DZIP1: variants seen among roughly 807,000 people sequenced by gnomAD.
The protein encoded by DZIP1 is cilium assembly protein DZIP1.
Under a neutral mutation model 107.6 loss-of-function variants are expected in DZIP1, and 97 were observed. The ratio of observed to expected loss-of-function variants is 0.90; its 90% confidence interval spans 0.77 to 1.07. The LOEUF (loss-of-function observed/expected upper bound fraction) is 1.07. Among genes scored for constraint, DZIP1 ranks in the 50% least tolerant of loss-of-function variants. The pLI, the probability that DZIP1 is intolerant of heterozygous loss-of-function variation, is 0.00. For synonymous variants in DZIP1, 390 were observed against 386.4 expected (o/e 1.01, Z -0.11); for missense variants, 1,035 against 1,063.6 (o/e 0.97, Z 0.37).
At position 95,581,225 on chromosome 13, in the gene DZIP1, G is replaced by A. The variant is rs1452633130; in HGVS notation, c.*1009C>T. 6.6e-6 allele frequency: 1 copy of A among 152,450 alleles called. No homozygotes were observed. The highest frequency in any genetic ancestry group is 1.5e-5 in the Non-Finnish European group (1 of 68,000). The allele number at this position is 152,450 out of a possible 1,614,324, so 9.4% of individuals were successfully genotyped here. On this transcript the variant is annotated 3_prime_UTR_variant, in exon 23 of 23. Coordinates refer to ENST00000376829, the MANE Select transcript of DZIP1 (RefSeq NM_198968.4). ...TGGAAACAGAATATAGTATAACCAA[G>A]TTATAAAAATGCAAAAAACAGCTTA...
chr13:95,621,862 C>A (rs571086085), intron 9 of DZIP1, among the ~76,000 whole-genome samples: 2 of 152,056 alleles, frequency 1.3e-5, no homozygotes, highest in African/African-American at 4.8e-5. Context: ...GGATTACAGG[C>A]ATCTGCTACC....
chr13:95,633,808 T>G (rs897518186), intron 5 of DZIP1, among the ~76,000 whole-genome samples: 35 of 151,488 alleles, frequency 2.3e-4, no homozygotes, highest in African/African-American at 8.0e-4. Flanking sequence ...GAAACCAGGC[T>G]GGGTGCAGTG....
In DZIP1 at chr13:95,605,891, A is replaced by G. The variant is rs80037259; in HGVS notation, c.1477+112T>C. ...TAATAACTGTTTTGCAATCACTAAAATGTTTCCTGTTTTATTATTAATTAC... is the reference window on the plus strand; with the variant it reads ...TAATAACTGTTTTGCAATCACTAAAGTGTTTCCTGTTTTATTATTAATTAC... On this transcript the variant is annotated intron_variant, in intron 14 of 22. Coordinates refer to ENST00000376829, the MANE Select transcript of DZIP1 (RefSeq NM_198968.4). 88 of 1,122,114 alleles carry G rather than the reference A, an allele frequency of 7.8e-5. No individual in the cohort carries two copies. The East Asian group carries it at 8.2e-4, about 10-fold the overall frequency. 69.5% of individuals were successfully genotyped at this position (1,122,114 alleles called of 1,614,324 possible). A position where few individuals can be genotyped will look rare whatever the true frequency, so the allele number is the denominator to read the frequency against.
At chr13:95,588,401 A>T (rs948862129) in intron 19 of DZIP1, among the ~76,000 whole-genome samples, 2 of 152,206 alleles carry the variant, frequency 1.3e-5, no homozygotes, top group African/African-American at 4.8e-5. Flanking sequence ...AAAGATATTT[A>T]TGTCATCAAT....
At chr13:95,605,887 TA>T (rs2044757200) in intron 14 of DZIP1, 115 bp downstream of exon 14, 2 of 1,090,058 alleles carry the variant, frequency 1.8e-6, no homozygotes, top group South Asian at 2.9e-5. Context: ...TTGCAATCAC[TA>T]AAATGTTTCC....
chr13:95,635,742 C>G (rs957929205), intron 5 of DZIP1, among the ~76,000 whole-genome samples: 1 of 152,124 alleles, frequency 6.6e-6, no homozygotes, highest in African/African-American at 2.4e-5. Flanking sequence ...GGTGTTCTAA[C>G]GATACTGTTC....
chr13:95,622,300 A>G (rs1594715105), intron 9 of DZIP1, 43 bp downstream of exon 9: 2 of 1,612,782 alleles, frequency 1.2e-6, no homozygotes, highest in Non-Finnish European at 8.5e-7. Flanking sequence ...TTCACTAAGA[A>G]AAAGGAAGGC....
intron 16 of DZIP1, 79 bp downstream of exon 16, chr13:95,593,865 T>C (rs1228581767): frequency 6.6e-7 from 1 of 1,504,874 alleles, no homozygotes; most frequent in Non-Finnish European, 8.9e-7. Flanking sequence ...ATGTGCTTTC[T>C]TCTCTTCCAT....
At position 95,619,868 on chromosome 13, in the gene DZIP1, T is replaced by C. The variant is rs369655689; in HGVS notation, c.1173+17A>G. 6.2e-7 allele frequency: 1 copy of C among 1,613,128 alleles called. No homozygotes were observed. Among genetic ancestry groups the C allele is most frequent in the Non-Finnish European group, 8.5e-7 (1 of 1,179,654 alleles). ...TAAAAAATGGCCCACTTTAGGCCACTGGTTTCTTAACCTTACCCGACCCTT... is the reference window on the plus strand; with the variant it reads ...TAAAAAATGGCCCACTTTAGGCCACCGGTTTCTTAACCTTACCCGACCCTT... On this transcript the variant is annotated intron_variant, in intron 10 of 22. Coordinates refer to ENST00000376829, the MANE Select transcript of DZIP1 (RefSeq NM_198968.4).
At position 95,611,521 on chromosome 13, in the gene DZIP1, T is replaced by C. The variant is rs748207364; in HGVS notation, c.1315-28A>G. On this transcript the variant is annotated intron_variant, in intron 11 of 22. Coordinates refer to ENST00000376829, the MANE Select transcript of DZIP1 (RefSeq NM_198968.4). Reference sequence around the variant, plus strand: ...GCAAAGAAATACAGTCTTCTAGTGATACATTTGAAATTAGATAGGGACACA... The same window carrying C: ...GCAAAGAAATACAGTCTTCTAGTGACACATTTGAAATTAGATAGGGACACA... The C allele has an allele frequency of 8.9e-6, 14 of 1,565,972 alleles. No individual in the cohort carries two copies. In the South Asian group the frequency reaches 1.0e-4, roughly 11 times the overall value.
At position 95,622,378 on chromosome 13, in the gene DZIP1, C is replaced by A. The variant is rs1016275069; in HGVS notation, c.1075G>T (p.Asp359Tyr). 5 of 1,614,096 alleles carry A rather than the reference C, an allele frequency of 3.1e-6. No individual in the cohort carries two copies. The African/African-American group carries it at 5.3e-5, about 17-fold the overall frequency. Residue 359 changes from aspartate to tyrosine, a missense_variant, in exon 9 of 23, where the codon GAT (aspartate) becomes TAT (tyrosine). Physicochemically the swap from Asp to Tyr is radical, Grantham distance 160. Transcript: ENST00000376829. ...AGAAGCTGCATGACATTATGGAAAT[C>A]CTGGGGATATGGAGAACGGTCTTCT... ...FKEDRSPYPQ[D>Y]FHNVMQLLDS...
intron 12 of DZIP1, among the ~76,000 whole-genome samples, chr13:95,609,841 C>T (rs1012106746): frequency 1.3e-5 from 2 of 152,042 alleles, no homozygotes; most frequent in Non-Finnish European, 2.9e-5. Context: ...GGGAGGAAAC[C>T]CAGCTCATAC....
chr13:95,617,183 CAG>C (rs1875207492), intron 10 of DZIP1, among the ~76,000 whole-genome samples: 1 of 151,176 alleles, frequency 6.6e-6, no homozygotes, highest in Non-Finnish European at 1.5e-5. Flanking sequence ...GCCCGTGCAA[CAG>C]AGTGAGACTC....
At chr13:95,617,199 C>T (rs550019879) in intron 10 of DZIP1, among the ~76,000 whole-genome samples, 10 of 140,354 alleles carry the variant, frequency 7.1e-5, no homozygotes, top group African/African-American at 2.5e-4. Context: ...GAGACTCTGT[C>T]TCACCCCAAA....
chr13:95,601,791 C>A (rs2138984199), intron 14 of DZIP1, among the ~76,000 whole-genome samples: 1 of 152,350 alleles, frequency 6.6e-6, no homozygotes, highest in South Asian at 2.1e-4. Flanking sequence ...AATGCCACCG[C>A]TGTCCACCCA....
chr13:95,621,411 T>G (rs1163905772), intron 9 of DZIP1, among the ~76,000 whole-genome samples: 1 of 152,194 alleles, frequency 6.6e-6, no homozygotes, highest in African/African-American at 2.4e-5. Flanking sequence ...TCAGCCTGAC[T>G]GCAGTGGAGC....
chr13:95,594,355 T>C (rs1371527901), intron 15 of DZIP1, among the ~76,000 whole-genome samples: 4 of 152,188 alleles, frequency 2.6e-5, no homozygotes, highest in South Asian at 4.1e-4. Context: ...TATGTATCTA[T>C]AGAAGCATGA....
chr13:95,594,521 C>A (rs2044391660), intron 15 of DZIP1, among the ~76,000 whole-genome samples: 1 of 152,016 alleles, frequency 6.6e-6, no homozygotes, highest in South Asian at 2.1e-4. Context: ...ACTTTTTGGC[C>A]AGGCTCAGTG....
chr13:95,630,563 C>A (rs551363230), intron 6 of DZIP1, among the ~76,000 whole-genome samples: 1 of 149,470 alleles, frequency 6.7e-6, no homozygotes, highest in South Asian at 2.1e-4. Context: ...TTCTGAGGAC[C>A]CCATCAGTGC....
Sources: allele counts gnomAD v4.1 joint callset (sites outside exome capture counted in the v4.1 genomes callset), GRCh38; gene constraint gnomAD v4.1.1; transcripts MANE v1.5; gene names NCBI Gene and HGNC (gene_info 2026-07-23, HGNC 2026-07-21).